Variants in GALNT13 observed in about 807,000 individuals in gnomAD.
GALNT13 encodes UDP-GalNAc:polypeptide N-acetylgalactosaminyltransferase 13.
A neutral mutation model predicts 64.2 loss-of-function variants in GALNT13; 28 were observed. The observed-to-expected ratio is 0.44, with a 90% confidence interval of 0.32 to 0.60. GALNT13 has a LOEUF of 0.60. Ranked by LOEUF, GALNT13 falls within the 20% of genes least tolerant of loss-of-function variation. The probability of loss-of-function intolerance (pLI) is 0.05; values close to 1 mark genes in which losing one functional copy is unlikely to be tolerated. For missense variants in GALNT13, 577 were observed against 669.8 expected (o/e 0.86, Z 1.53); for synonymous variants, 214 against 224.6 (o/e 0.95, Z 0.42).
chr2:153,444,502 T>C, the GALNT13 span, among the ~76,000 whole-genome samples: 66 of 152,368 alleles, frequency 4.3e-4, 1 homozygote, highest in African/African-American at 1.6e-3. Context: ...ATCCATTTGA[T>C]GGTATGACTA....
At chr2:153,484,983 A>C in the GALNT13 span, among the ~76,000 whole-genome samples, 6 of 152,206 alleles carry the variant, frequency 3.9e-5, no homozygotes, top group African/African-American at 1.4e-4. Flanking sequence ...ATAACCCCAG[A>C]AAGACTGTTC....
intron 8 of GALNT13, among the ~76,000 whole-genome samples, chr2:154,275,156 C>G (rs182966694): frequency 6.6e-6 from 1 of 152,064 alleles, no homozygotes; most frequent in Admixed American, 6.5e-5. Flanking sequence ...AAATTTGCAG[C>G]CTGTTGATGC....
the GALNT13 span, among the ~76,000 whole-genome samples, chr2:153,228,660 G>C: frequency 6.6e-6 from 1 of 151,988 alleles, no homozygotes; most frequent in Non-Finnish European, 1.5e-5. Flanking sequence ...GGATCACCAG[G>C]TCAAGAGATG....
At chr2:153,700,424 A>C in the GALNT13 span, among the ~76,000 whole-genome samples, 1 of 152,172 alleles carries the variant, frequency 6.6e-6, no homozygotes, top group Non-Finnish European at 1.5e-5. Context: ...CCCTTTGAAA[A>C]CTGGCACAAG....
chr2:153,124,477 A>G, the GALNT13 span, among the ~76,000 whole-genome samples: 2 of 152,186 alleles, frequency 1.3e-5, no homozygotes, highest in African/African-American at 2.4e-5. Flanking sequence ...TTCATCATGA[A>G]GCAAACAGGT....
intron 3 of GALNT13, among the ~76,000 whole-genome samples, chr2:154,116,845 A>G (rs1016552219): frequency 3.3e-5 from 5 of 152,176 alleles, no homozygotes; most frequent in African/African-American, 7.2e-5. Flanking sequence ...TCCTGGTACC[A>G]AAATCTGTAT....
the GALNT13 span, among the ~76,000 whole-genome samples, chr2:153,680,507 AAGATACAGAAATTAT>A: frequency 6.6e-6 from 1 of 151,930 alleles, no homozygotes; most frequent in Non-Finnish European, 1.5e-5. Context: ...TATAAGTGAT[AAGATACAGAAATTAT>A]AGATCCCCTC....
rs368812934 is a variant in GALNT13 at position 154,378,233 on chromosome 2, A to G, written c.1157-17758A>G. Among the ~76,000 whole-genome samples the G allele has an allele frequency of 7.4e-4, 112 of 152,248 alleles. 2 individuals carry two copies. The South Asian group carries it at 0.021, about 29-fold the overall frequency. On this transcript the variant is annotated intron_variant, in intron 9 of 12. Transcript: ENST00000392825. ...GATCGCAGGAGGAGGCTGTTCTGCT[A>G]TACTTGCTCAATATTCAGATTAAGA...
At chr2:153,184,015 A>G in the GALNT13 span, among the ~76,000 whole-genome samples, 2 of 152,156 alleles carry the variant, frequency 1.3e-5, no homozygotes, top group Admixed American at 6.5e-5. Context: ...GAAGAATGTC[A>G]GTGGTAGTTT....
At chr2:153,406,805 C>T in the GALNT13 span, among the ~76,000 whole-genome samples, 1 of 152,034 alleles carries the variant, frequency 6.6e-6, no homozygotes, top group Admixed American at 6.5e-5. Flanking sequence ...TCTCAAAGTA[C>T]CAAAATATAT....
At chr2:153,438,399 T>C in the GALNT13 span, among the ~76,000 whole-genome samples, 1 of 152,234 alleles carries the variant, frequency 6.6e-6, no homozygotes, top group Non-Finnish European at 1.5e-5. Context: ...GAAGTGCTCC[T>C]GGATAATATC....
intron 9 of GALNT13, among the ~76,000 whole-genome samples, chr2:154,317,486 T>A (rs1179022146): frequency 6.6e-6 from 1 of 152,130 alleles, no homozygotes; most frequent in African/African-American, 2.4e-5. Context: ...TGATTTCTTA[T>A]CCAAACTTTC....
chr2:153,850,651 T>A, the GALNT13 span, among the ~76,000 whole-genome samples: 1 of 152,208 alleles, frequency 6.6e-6, no homozygotes, highest in Non-Finnish European at 1.5e-5. Flanking sequence ...TTTTTAGAAC[T>A]ATATTCCATA....
chr2:153,285,106 A>G, the GALNT13 span, among the ~76,000 whole-genome samples: 4 of 152,066 alleles, frequency 2.6e-5, no homozygotes, highest in African/African-American at 9.7e-5. Context: ...GAAACTTATA[A>G]TTACGGCAGA....
intron 4 of GALNT13, among the ~76,000 whole-genome samples, chr2:154,193,614 A>G (rs1277216969): frequency 2.6e-5 from 4 of 152,196 alleles, no homozygotes; most frequent in Non-Finnish European, 5.9e-5. Flanking sequence ...ACACACCACC[A>G]TGTCCCAAGA....
At chr2:153,585,745 T>C in the GALNT13 span, among the ~76,000 whole-genome samples, 1 of 151,790 alleles carries the variant, frequency 6.6e-6, no homozygotes, top group Non-Finnish European at 1.5e-5. Flanking sequence ...CAGCAGGAAC[T>C]ATACAGACTA....
intron 3 of GALNT13, among the ~76,000 whole-genome samples, chr2:153,990,576 C>G (rs1695094964): frequency 6.6e-6 from 1 of 152,130 alleles, no homozygotes; most frequent in African/African-American, 2.4e-5. Flanking sequence ...GAATTACGCT[C>G]TTTGAGTCGT....
At chr2:153,822,146 A>T in the GALNT13 span, among the ~76,000 whole-genome samples, 1 of 152,200 alleles carries the variant, frequency 6.6e-6, no homozygotes, top group Non-Finnish European at 1.5e-5. Context: ...GCCAAATTCT[A>T]TCAGACATAC....
intron 2 of GALNT13, among the ~76,000 whole-genome samples, chr2:153,929,717 A>T (rs1690382554): frequency 6.6e-6 from 1 of 152,082 alleles, no homozygotes; most frequent in Admixed American, 6.6e-5. Flanking sequence ...CATGGTGTGT[A>T]TTTAGCACAT....
Sources: allele counts gnomAD v4.1 joint callset (sites outside exome capture counted in the v4.1 genomes callset), GRCh38; gene constraint gnomAD v4.1.1; transcripts MANE v1.5; gene names NCBI Gene and HGNC (gene_info 2026-07-23, HGNC 2026-07-21).